Variants in YJEFN3 observed in about 807,000 individuals in gnomAD.
YJEFN3 encodes the protein yjeF N-terminal domain-containing protein 3.
YJEFN3 carries 29 observed loss-of-function variants against 31.5 expected under a neutral mutation model. That is an observed-to-expected ratio of 0.92 (90% CI 0.69 to 1.26). YJEFN3 has a LOEUF of 1.26. YJEFN3 is among the 50% of genes most tolerant of loss of function. YJEFN3 has a pLI of 0.00. For synonymous variants in YJEFN3, 227 were observed against 196.1 expected (o/e 1.16, Z -1.32); for missense variants, 442 against 425.4 (o/e 1.04, Z -0.34).
At chr19:19,536,016 C>T (rs879883054) in intron 6 of YJEFN3, 21 of 532,548 alleles carry the variant, frequency 3.9e-5, no homozygotes, top group African/African-American at 1.4e-4. Context: ...AACCATTAGG[C>T]GACAGGCAGA....
intron 3 of YJEFN3, chr19:19,533,923 C>T (rs960957957): frequency 4.3e-5 from 42 of 985,414 alleles, no homozygotes; most frequent in East Asian, 1.1e-4. Context: ...TGGCTGGGAT[C>T]GCAGGCATGT....
chr19:19,529,272 A>G (rs2061129662), intron 1 of YJEFN3, 92 bp from the exon 2 acceptor site: 2 of 1,480,506 alleles, frequency 1.4e-6, no homozygotes, highest in Non-Finnish European at 1.8e-6. Flanking sequence ...CCTCCGGGGC[A>G]GCCCGCCCCT....
chr19:19,532,981 G>A (rs976707462), intron 3 of YJEFN3: 5 of 1,290,946 alleles, frequency 3.9e-6, no homozygotes, highest in Non-Finnish European at 4.9e-6. Flanking sequence ...ACAGTGCCAC[G>A]ACCCTGGAAG....
rs1054930 is a variant in YJEFN3 at position 19,537,537 on chromosome 19, G to T, written c.*13G>T. 1.3e-6 allele frequency: 2 copies of T among 1,535,534 alleles called. No homozygotes were observed. Among genetic ancestry groups the T allele is most frequent in the South Asian group, 1.2e-5 (1 of 84,310 alleles). ...CGCGGCACTGTGACCGCCACCCGCG[G>T]CCACACCGCAGGGACCCTCGCCAAT... On this transcript the variant is annotated 3_prime_UTR_variant, in exon 7 of 7. Transcript: ENST00000514277.
Position 19,529,496 on chromosome 19 carries a change from A to C in YJEFN3, c.192A>C (p.Ala64=). ...CATGGCTAGAGCAGATTTGGAACGCAGGGCCTGTTTGCCAGAGGTTGGTGA... is the reference window on the plus strand; with the variant it reads ...CATGGCTAGAGCAGATTTGGAACGCCGGGCCTGTTTGCCAGAGGTTGGTGA... ...RQSWLEQIWN[A]GPVCQSTAEA... The change falls in exon 2 of 7, where the codon GCA becomes GCC. Residue 64 remains alanine (A), a synonymous_variant. Transcript: ENST00000514277. 6.2e-7 allele frequency: 1 copy of C among 1,613,898 alleles called. No individual in the cohort carries two copies. Among genetic ancestry groups the C allele is most frequent in the East Asian group, 2.2e-5 (1 of 44,874 alleles).
At chr19:19,532,580 T>G in intron 2 of YJEFN3, 52 bp from the exon 3 acceptor site, 11 of 1,290,154 alleles carry the variant, frequency 8.5e-6, no homozygotes, top group Non-Finnish European at 1.2e-5. Flanking sequence ...TGGCTCCATC[T>G]GAGGCTCTGT....
chr19:19,533,018 G>T, intron 3 of YJEFN3: 1 of 1,210,838 alleles, frequency 8.3e-7, no homozygotes, highest in Non-Finnish European at 1.0e-6. Flanking sequence ...CATGTGACCC[G>T]CCTGCTTCTG....
At chr19:19,529,235 CACTAAGCTGCGTTGCTGGGGAA>C in intron 1 of YJEFN3, 107 bp from the exon 2 acceptor site, 1 of 1,452,572 alleles carries the variant, frequency 6.9e-7, no homozygotes, top group Admixed American at 2.7e-5. Context: ...TTGCTGGAGA[CACTAAGCTGCGTTGCTGGGGAA>C]ACTGCCTCCG....
At chr19:19,536,188 G>A in intron 6 of YJEFN3, 1 of 249,702 alleles carries the variant, frequency 4.0e-6, no homozygotes, top group Admixed American at 5.1e-5. Flanking sequence ...GGAGGCTGCA[G>A]GCTCAGCCTA....
Position 19,535,632 on chromosome 19 carries a change from C to T in YJEFN3, c.647C>T (p.Thr216Met), listed in dbSNP as rs146733860. ...GGCCCCTGCACCCGCGCGCTGGCCA[C>T]GCTCAAGCTGCTGTCCATCCCCCTC... ...VGGPCTRALA[T>M]LKLLSIPLVS... Residue 216 changes from threonine to methionine, a missense_variant, in exon 6 of 7, where the codon ACG becomes ATG. Thr to Met is a moderately conservative substitution (Grantham distance 81). Transcript: ENST00000514277. 2.1e-5 allele frequency: 34 copies of T among 1,586,232 alleles called. No homozygotes were observed. The highest frequency in any genetic ancestry group is 1.3e-4 in the African/African-American group (10 of 74,156).
At chr19:19,529,650 C>T (rs917823074) in intron 2 of YJEFN3, 137 bp downstream of exon 2, 2 of 1,184,962 alleles carry the variant, frequency 1.7e-6, no homozygotes, top group African/African-American at 1.5e-5. Flanking sequence ...CTCCTGCCCA[C>T]TGCCCACCTA....
At chr19:19,531,916 T>A (rs2061160672) in intron 2 of YJEFN3, among the ~76,000 whole-genome samples, 1 of 151,734 alleles carries the variant, frequency 6.6e-6, no homozygotes, top group South Asian at 2.1e-4. Context: ...TTTTTTGTAT[T>A]TTTAGTAGAA....
chr19:19,535,000 G>A lies in YJEFN3; in HGVS notation c.319-34G>A. 2.6e-6 allele frequency: 4 copies of A among 1,536,348 alleles called. No homozygotes were observed. Among genetic ancestry groups the A allele is most frequent in the Non-Finnish European group, 3.5e-6 (4 of 1,137,710 alleles). On this transcript the variant is annotated intron_variant, in intron 3 of 6. Transcript: ENST00000514277. This position sits in a 1 kb window ranked among gnomAD's most constrained non-coding sequence, Gnocchi z 4.6. Reference sequence around the variant, plus strand: ...CTCCAGGCAAGGAGGAATCTGGACTGTGCCTGTGCCTTTGCTGTGTCCCCT... The same window carrying A: ...CTCCAGGCAAGGAGGAATCTGGACTATGCCTGTGCCTTTGCTGTGTCCCCT...
At chr19:19,532,886 C>A (rs779468297) in intron 3 of YJEFN3, 146 bp downstream of exon 3, 28 of 1,108,016 alleles carry the variant, frequency 2.5e-5, no homozygotes, top group Non-Finnish European at 3.3e-5. Context: ...AACTGAGGCC[C>A]AGAGAGGCTC....
rs1328277193 is a variant in YJEFN3, at chr19:19,528,947, C to T, written c.15C>T (p.Ala5=). 20 of 1,549,062 alleles carry T rather than the reference C, an allele frequency of 1.3e-5. No individual in the cohort carries two copies. The highest frequency in any genetic ancestry group is 2.0e-5 in the Admixed American group (1 of 50,930). Residue 5 remains alanine, a synonymous_variant, in exon 1 of 7, where the codon GCC becomes GCT. Coordinates refer to ENST00000514277, the MANE Select transcript of YJEFN3 (RefSeq NM_198537.4). ...TCACCTCGGCCATGAGCAGCGCAGC[C>T]GGCCCAGACCCGTCGGAGGCGCCCG... The part of the protein sequence containing the change: MSSA[A]GPDPSEAPEE...
Position 19,534,913 on chromosome 19 carries a change from C to T in YJEFN3, c.319-121C>T. On this transcript the variant is annotated intron_variant, in intron 3 of 6. Coordinates refer to ENST00000514277, the MANE Select transcript of YJEFN3 (RefSeq NM_198537.4). The surrounding 1 kb of genome is among the most constrained non-coding windows in gnomAD (Gnocchi z 4.6). The stretch of plus-strand genomic sequence containing the variant: ...TCATCCAGAACAGCTCACCTCCTGT[C>T]CTATCCTGTTGCCTCCAGGCCCAAG... The T allele has an allele frequency of 5.1e-6, 4 of 782,860 alleles. No homozygotes were observed. Among genetic ancestry groups the T allele is most frequent in the Non-Finnish European group, 7.9e-6 (4 of 507,096 alleles). 48.5% of individuals were successfully genotyped at this position (782,860 alleles called of 1,614,324 possible). A position where few individuals can be genotyped will look rare whatever the true frequency, so the allele number is the denominator to read the frequency against.
At chr19:19,531,149 T>A (rs1399688206) in intron 2 of YJEFN3, among the ~76,000 whole-genome samples, 1 of 152,228 alleles carries the variant, frequency 6.6e-6, no homozygotes, top group Non-Finnish European at 1.5e-5. Flanking sequence ...GGCCTTATCA[T>A]GCTGCAAAAT....
At chr19:19,529,333 G>T (rs1320838277) in intron 1 of YJEFN3, 31 bp from the exon 2 acceptor site, 3 of 1,554,044 alleles carry the variant, frequency 1.9e-6, no homozygotes, top group Non-Finnish European at 2.6e-6. Flanking sequence ...AACCCCAACC[G>T]TGGCCCACCC....
At chr19:19,535,830 C>CAGAGGGATGGGTGTGA in intron 6 of YJEFN3, 151 bp downstream of exon 6, 1 of 1,058,192 alleles carries the variant, frequency 9.5e-7, no homozygotes, top group Non-Finnish European at 1.4e-6. Context: ...TCACACCCAT[C>CAGAGGGATGGGTGTGA]CCTCTGATGG....
Sources: allele counts gnomAD v4.1 joint callset (sites outside exome capture counted in the v4.1 genomes callset), GRCh38; gene constraint gnomAD v4.1.1; non-coding constraint Gnocchi (gnomAD v3.1); transcripts MANE v1.5; gene names NCBI Gene and HGNC (gene_info 2026-07-23, HGNC 2026-07-21).